The following DLG2 variants were observed in gnomAD, a reference collection of about 807,000 sequenced individuals.
DLG2 encodes the protein discs large MAGUK scaffold protein 2.
Under a neutral mutation model 132.5 loss-of-function variants are expected in DLG2, and 45 were observed. That is an observed-to-expected ratio of 0.34 (90% CI 0.27 to 0.44). The LOEUF is 0.44. Among genes scored for constraint, DLG2 ranks in the 20% least tolerant of loss-of-function variants. The probability of loss-of-function intolerance (pLI) is 1.00; values close to 1 mark genes in which losing one functional copy is unlikely to be tolerated. For missense variants in DLG2, 1,045 were observed against 1,196.9 expected (o/e 0.87, Z 1.87); for synonymous variants, 424 against 419.6 (o/e 1.01, Z -0.13).
chr11:84,686,095 A>G (rs991996798), intron 6 of DLG2, among the ~76,000 whole-genome samples: 2 of 152,186 alleles, frequency 1.3e-5, no homozygotes, highest in African/African-American at 4.8e-5. Context: ...AGCAGTACCT[A>G]GTGAGTCAAT....
At chr11:84,323,051 A>T (rs1181912820) in intron 7 of DLG2, among the ~76,000 whole-genome samples, 3 of 152,164 alleles carry the variant, frequency 2.0e-5, no homozygotes, top group Non-Finnish European at 4.4e-5. Context: ...GTTGTGGTAA[A>T]AAACACAAAA....
At chr11:84,150,811 T>C (rs1050988552) in intron 9 of DLG2, among the ~76,000 whole-genome samples, 1 of 152,202 alleles carries the variant, frequency 6.6e-6, no homozygotes, top group African/African-American at 2.4e-5. Flanking sequence ...AGATTTTTTA[T>C]GATGAAGGAT....
intron 6 of DLG2, among the ~76,000 whole-genome samples, chr11:84,975,503 AC>A (rs2054771759): frequency 1.3e-5 from 2 of 152,242 alleles, no homozygotes; most frequent in Admixed American, 1.3e-4. Context: ...GAGAAATACA[AC>A]AAAGTGATAA....
intron 6 of DLG2, among the ~76,000 whole-genome samples, chr11:84,890,466 A>G (rs920085176): frequency 4.6e-5 from 7 of 152,162 alleles, no homozygotes; most frequent in African/African-American, 9.6e-5. Context: ...AGAAAGTTGC[A>G]TTGCCAATTC....
At chr11:83,460,188 TG>T (rs2089630341) in intron 27 of DLG2, among the ~76,000 whole-genome samples, 1 of 152,230 alleles carries the variant, frequency 6.6e-6, no homozygotes, top group African/African-American at 2.4e-5. Context: ...TCTGTAGTAC[TG>T]GACAATTTAT....
At chr11:85,503,119 C>G (rs2093843144) in intron 3 of DLG2, among the ~76,000 whole-genome samples, 2 of 152,032 alleles carry the variant, frequency 1.3e-5, no homozygotes, top group African/African-American at 4.8e-5. Flanking sequence ...CATAAACAAG[C>G]AAACTAAACT....
intron 6 of DLG2, among the ~76,000 whole-genome samples, chr11:84,807,828 A>AGGGC (rs2076165473): frequency 6.6e-6 from 1 of 152,226 alleles, no homozygotes; most frequent in South Asian, 2.1e-4. Context: ...GTATGTACAA[A>AGGGC]TAAGAGTTGT....
intron 9 of DLG2, among the ~76,000 whole-genome samples, chr11:84,127,606 C>T (rs1223704218): frequency 6.6e-6 from 1 of 152,070 alleles, no homozygotes; most frequent in Non-Finnish European, 1.5e-5. Flanking sequence ...TTTATCTTTT[C>T]CTTTTTTCTG....
rs1026469358 is a variant in DLG2 at position 83,477,490 on chromosome 11, A to G, written c.2294-4713T>C. On this transcript the variant is annotated intron_variant, in intron 22 of 27. Transcript: ENST00000376104. ...TAGAAATTGATGTTTGTGTGTATCTATGTGTGTGTGGCCTACCTCAGGAAA... is the reference window on the plus strand; with the variant it reads ...TAGAAATTGATGTTTGTGTGTATCTGTGTGTGTGTGGCCTACCTCAGGAAA... Among the ~76,000 whole-genome samples the G allele has an allele frequency of 3.3e-5, 5 of 152,006 alleles. No homozygotes were observed. The East Asian group carries it at 9.7e-4, about 29-fold the overall frequency.
chr11:84,583,155 C>T (rs965365114), intron 6 of DLG2, among the ~76,000 whole-genome samples: 22 of 152,196 alleles, frequency 1.4e-4, no homozygotes, highest in African/African-American at 5.1e-4. Flanking sequence ...GTTCAGTGGT[C>T]CCAGATCTTT....
chr11:84,810,916 G>A (rs1313663510), intron 6 of DLG2, among the ~76,000 whole-genome samples: 1 of 152,128 alleles, frequency 6.6e-6, no homozygotes, highest in East Asian at 1.9e-4. Context: ...GGTTCCCAGA[G>A]ATTAAGAAGA....
intron 7 of DLG2, among the ~76,000 whole-genome samples, chr11:84,418,018 G>A (rs922651228): frequency 2.0e-5 from 3 of 152,080 alleles, no homozygotes; most frequent in African/African-American, 4.8e-5. Context: ...ACTGAGTTAA[G>A]AGCCAAACTC....
chr11:84,567,608 C>T (rs1161043668), intron 6 of DLG2, among the ~76,000 whole-genome samples: 3 of 152,150 alleles, frequency 2.0e-5, no homozygotes, highest in Non-Finnish European at 4.4e-5. Context: ...TAGTTGTATG[C>T]ATATCTGCCA....
chr11:84,771,488 T>C (rs1466467963), intron 6 of DLG2, among the ~76,000 whole-genome samples: 2 of 152,256 alleles, frequency 1.3e-5, no homozygotes, highest in African/African-American at 2.4e-5. Context: ...TTTGTTTAAG[T>C]TCCTTCCAGA....
intron 6 of DLG2, among the ~76,000 whole-genome samples, chr11:84,861,881 T>C (rs1225071886): frequency 2.0e-5 from 3 of 151,858 alleles, no homozygotes; most frequent in East Asian, 3.9e-4. Flanking sequence ...TTCATGTCCT[T>C]TGTAGGGACA....
intron 4 of DLG2, among the ~76,000 whole-genome samples, chr11:85,181,447 C>T (rs1300455472): frequency 6.6e-6 from 1 of 151,564 alleles, no homozygotes; most frequent in African/African-American, 2.4e-5. Flanking sequence ...TCCCTGTGAT[C>T]TCTTTCCTTT....
At chr11:84,650,901 A>ATATATG (rs1594886301) in intron 6 of DLG2, among the ~76,000 whole-genome samples, 1 of 143,010 alleles carries the variant, frequency 7.0e-6, no homozygotes, top group Non-Finnish European at 1.5e-5. Flanking sequence ...ATATATATAT[A>ATATATG]AAATTTTTGT....
At chr11:84,077,870 A>G (rs1450369251) in intron 10 of DLG2, among the ~76,000 whole-genome samples, 1 of 152,146 alleles carries the variant, frequency 6.6e-6, no homozygotes, top group African/African-American at 2.4e-5. Context: ...ATGTTAGAAC[A>G]TTTTCTATTG....
chr11:84,440,102 T>A (rs543076501), intron 7 of DLG2, among the ~76,000 whole-genome samples: 11 of 152,332 alleles, frequency 7.2e-5, no homozygotes, highest in African/African-American at 2.6e-4. Context: ...TGTTGAACCT[T>A]TAGTGACCTT....
Sources: gnomAD v4.1 joint callset for allele counts (sites outside exome capture counted in the v4.1 genomes callset) on GRCh38, gnomAD v4.1.1 for gene constraint, MANE v1.5 for transcripts, NCBI Gene and HGNC (gene_info 2026-07-23, HGNC 2026-07-21) for gene names.